The following PHC2 variants were observed in gnomAD, a reference collection of about 807,000 sequenced individuals.
PHC2 encodes the protein polyhomeotic homolog 2, also known as polyhomeotic-like protein 2.
Under a neutral mutation model 87.4 loss-of-function variants are expected in PHC2, and 29 were observed. The ratio of observed to expected loss-of-function variants is 0.33; its 90% confidence interval spans 0.25 to 0.45. The LOEUF (loss-of-function observed/expected upper bound fraction) is 0.45. Among genes scored for constraint, PHC2 ranks in the 20% least tolerant of loss-of-function variants. The pLI is 1.00. For missense variants in PHC2, 857 were observed against 1,136.7 expected (o/e 0.75, Z 3.54); for synonymous variants, 438 against 461.7 (o/e 0.95, Z 0.66).
chr1:33,398,567 T>G (rs567001891), intron 1 of PHC2, among the ~76,000 whole-genome samples: 18 of 152,352 alleles, frequency 1.2e-4, no homozygotes, highest in South Asian at 8.3e-4. Context: ...TATCTTAAAG[T>G]ATCTGGGCTT....
intron 1 of PHC2, among the ~76,000 whole-genome samples, chr1:33,377,601 C>G (rs149127170): frequency 6.6e-6 from 1 of 152,070 alleles, no homozygotes; most frequent in Non-Finnish European, 1.5e-5. Flanking sequence ...GCTGTTCCTT[C>G]TACCCATTCC....
In PHC2 at chr1:33,378,937, A is replaced by G. The variant is rs544484623; in HGVS notation, c.-54-3344T>C. Among the ~76,000 whole-genome samples the G allele has an allele frequency of 1.4e-4, 21 of 152,186 alleles. 1 individual carries two copies. In the South Asian group the frequency reaches 4.4e-3, roughly 32 times the overall value. On this transcript the variant is annotated intron_variant, in intron 1 of 14. Transcript: ENST00000683057. The stretch of plus-strand genomic sequence containing the variant: ...GAGAGCATGATTAGTGCAAAAAGCC[A>G]AAGTCATCATTAATGTCCTGTTGCT...
At chr1:33,365,684 C>G (rs987626755) in intron 7 of PHC2, among the ~76,000 whole-genome samples, 2 of 152,218 alleles carry the variant, frequency 1.3e-5, no homozygotes, top group Non-Finnish European at 2.9e-5. Flanking sequence ...GCCACAGGGC[C>G]GTGAGGCCTC....
At chr1:33,422,376 A>C (rs532276616) in intron 1 of PHC2, among the ~76,000 whole-genome samples, 2 of 152,350 alleles carry the variant, frequency 1.3e-5, no homozygotes, top group South Asian at 4.1e-4. Context: ...TTGTTGAATA[A>C]ATAAATATGA....
intron 9 of PHC2, among the ~76,000 whole-genome samples, chr1:33,336,037 G>A (rs1369394407): frequency 6.6e-6 from 1 of 151,364 alleles, no homozygotes; most frequent in African/African-American, 2.4e-5. Context: ...CACCCAGGCT[G>A]GAACGCAGTG....
At chr1:33,419,891 G>A (rs1039637367) in intron 1 of PHC2, among the ~76,000 whole-genome samples, 5 of 151,464 alleles carry the variant, frequency 3.3e-5, no homozygotes, top group Non-Finnish European at 7.4e-5. Context: ...TTACAGGCGT[G>A]AGCCACCGCG....
intron 7 of PHC2, among the ~76,000 whole-genome samples, chr1:33,358,018 C>G (rs962596438): frequency 5.3e-5 from 8 of 152,170 alleles, no homozygotes; most frequent in Admixed American, 5.2e-4. Context: ...ACTCTTCTTT[C>G]TCAGGGCTTC....
chr1:33,343,489 A>AG (rs1646787309), intron 9 of PHC2, among the ~76,000 whole-genome samples: 1 of 149,962 alleles, frequency 6.7e-6, no homozygotes, highest in African/African-American at 2.4e-5. Context: ...AAAAAAAAAA[A>AG]AAGACTCTAG....
rs774082687 is a variant in PHC2 at position 33,323,734 on chromosome 1, G to GCCTAT, written c.*1130_*1131insATAGG. 5 of 152,680 alleles carry GCCTAT rather than the reference G, an allele frequency of 3.3e-5. No homozygotes were observed. In the East Asian group the frequency reaches 7.7e-4, roughly 23 times the overall value. The allele number at this position is 152,680 out of a possible 1,614,324, so 9.5% of individuals were successfully genotyped here. A position where few individuals can be genotyped will look rare whatever the true frequency, so the allele number is the denominator to read the frequency against. ...GGGAATAGAATAAGCTCAGAAAGGT[G>GCCTAT]CCTACCTCCTTCCTGCAAAGGACAC... On this transcript the variant is annotated 3_prime_UTR_variant, in exon 15 of 15. Coordinates refer to ENST00000683057, the MANE Select transcript of PHC2 (RefSeq NM_001385109.1).
At position 33,328,962 on chromosome 1, in the gene PHC2, C is replaced by T. The variant is rs755452186; in HGVS notation, c.2333G>A (p.Arg778Gln). 25 of 1,614,058 alleles carry T rather than the reference C, an allele frequency of 1.5e-5. No individual in the cohort carries two copies. The highest frequency in any genetic ancestry group is 1.9e-5 in the Non-Finnish European group (23 of 1,180,032). ...RDLELPDMHM[R>Q]DLVGMGHHFL... ...GTGGTGTCCCATGCCCACCAGGTCC[C>T]GCATATGCATGTCGGGGAGCTCCAG... Residue 778 changes from arginine to glutamine, a missense_variant, in exon 14 of 15, where the codon CGG becomes CAG. Physicochemically the swap from Arg to Gln is conservative, Grantham distance 43. Around this residue, in one of 3 missense-constraint regions of PHC2, gnomAD observed 832 missense variants for 1,081.8 expected, o/e 0.77. Transcript: ENST00000683057.
intron 7 of PHC2, among the ~76,000 whole-genome samples, chr1:33,359,579 C>G (rs1647157171): frequency 6.6e-6 from 1 of 152,152 alleles, no homozygotes; most frequent in African/African-American, 2.4e-5. Context: ...ATGGTTGGTA[C>G]TGGCTAAGAC....
chr1:33,378,517 A>T (rs1356827149), intron 1 of PHC2, among the ~76,000 whole-genome samples: 1 of 152,240 alleles, frequency 6.6e-6, no homozygotes, highest in Non-Finnish European at 1.5e-5. Flanking sequence ...TGAAGTACTT[A>T]TAAATATAAA....
chr1:33,349,921 G>C lies in PHC2; in HGVS notation c.1558+4480C>G. ...ATGCGGCGAGTCTGGGACGGCTCCC[G>C]CGGCCGCCTCCGCCGGGGGCGGGGC... On this transcript the variant is annotated intron_variant, in intron 9 of 14. Transcript: ENST00000683057. The surrounding 1 kb of genome is among the most constrained non-coding windows in gnomAD (Gnocchi z 4.2). The C allele has an allele frequency of 1.0e-6, 1 of 955,270 alleles. No homozygotes were observed. The highest frequency in any genetic ancestry group is 1.8e-5 in the African/African-American group (1 of 56,074). 59.2% of individuals were successfully genotyped at this position (955,270 alleles called of 1,614,324 possible).
chr1:33,325,058 G>A (rs774685999), intron 14 of PHC2, 39 bp from the exon 15 acceptor site: 37 of 1,562,880 alleles, frequency 2.4e-5, no homozygotes, highest in Middle Eastern at 1.7e-4. Flanking sequence ...AATCCAAGCC[G>A]CCAGTGTTCA....
intron 1 of PHC2, among the ~76,000 whole-genome samples, chr1:33,397,975 T>G (rs1649364148): frequency 1.3e-5 from 2 of 152,242 alleles, no homozygotes; most frequent in South Asian, 4.2e-4. Context: ...TCCCTGTGCA[T>G]GTAAAAAAAT....
chr1:33,392,389 C>T (rs142442341), intron 1 of PHC2, among the ~76,000 whole-genome samples: 6 of 152,244 alleles, frequency 3.9e-5, no homozygotes, highest in African/African-American at 7.2e-5. Flanking sequence ...TTCACATGCG[C>T]GTTCTCACGT....
chr1:33,365,493 G>A (rs1484323434), intron 7 of PHC2, among the ~76,000 whole-genome samples: 4 of 152,158 alleles, frequency 2.6e-5, no homozygotes, highest in East Asian at 3.9e-4. Context: ...CAGGGCATGC[G>A]GATTGAATGA....
intron 9 of PHC2, among the ~76,000 whole-genome samples, chr1:33,341,714 G>A (rs1646749130): frequency 6.6e-6 from 1 of 152,234 alleles, no homozygotes; most frequent in African/African-American, 2.4e-5. Context: ...GATTACGTGT[G>A]CGTCTCAAGT....
At chr1:33,338,020 C>T (rs1386558214) in intron 9 of PHC2, among the ~76,000 whole-genome samples, 2 of 152,248 alleles carry the variant, frequency 1.3e-5, no homozygotes, top group Non-Finnish European at 2.9e-5. Context: ...CCTCCTGCCT[C>T]TTTCGCTGAT....
Sources: allele counts gnomAD v4.1 joint callset (sites outside exome capture counted in the v4.1 genomes callset), GRCh38; gene constraint gnomAD v4.1.1; regional missense constraint gnomAD v4.1.1; non-coding constraint Gnocchi (gnomAD v3.1); transcripts MANE v1.5; gene names NCBI Gene and HGNC (gene_info 2026-07-23, HGNC 2026-07-21).